The following IKBKB variants were observed in gnomAD, a reference collection of about 807,000 sequenced individuals.
IKBKB encodes inhibitor of nuclear factor kappa-B kinase subunit beta.
In IKBKB, 42 loss-of-function variants were observed where a neutral mutation model predicts 113.6. The ratio of observed to expected loss-of-function variants is 0.37; its 90% CI spans 0.29 to 0.48. IKBKB has a LOEUF of 0.48. IKBKB is among the 20% of genes least tolerant of loss of function. IKBKB has a pLI of 0.99. For missense variants in IKBKB, 673 were observed against 939.7 expected (o/e 0.72, Z 3.71); for synonymous variants, 296 against 361.3 (o/e 0.82, Z 2.05).
intron 7 of IKBKB, among the ~76,000 whole-genome samples, chr8:42,308,296 C>CTTTTT (rs1816952655): frequency 8.1e-6 from 1 of 123,430 alleles, no homozygotes; most frequent in Non-Finnish European, 1.7e-5. Context: ...TTTTTTCTTT[C>CTTTTT]TTTCTTTCTT....
At chr8:42,271,589 C>A (rs553767571) in intron 1 of IKBKB, 120 bp downstream of exon 1, 89 of 555,014 alleles carry the variant, frequency 1.6e-4, no homozygotes, top group Non-Finnish European at 2.7e-4. Context: ...GACTGGGGAG[C>A]GTTTCACTTG....
At chr8:42,328,917 GACAGTAACGCTC>G (rs1821300516) in intron 20 of IKBKB, among the ~76,000 whole-genome samples, 195 bp from the exon 21 acceptor site, 2 of 152,162 alleles carry the variant, frequency 1.3e-5, no homozygotes, top group South Asian at 4.1e-4. Flanking sequence ...TTGCATTTTG[GACAGTAACGCTC>G]ATATGTGGAA....
At chr8:42,279,010 G>C (rs11990404) in intron 2 of IKBKB, among the ~76,000 whole-genome samples, 14,043 of 151,822 alleles carry the variant, frequency 0.092, 1,232 homozygotes, top group African/African-American at 0.23. Flanking sequence ...AAAAAAAAGA[G>C]AGAGAGAGAT....
chr8:42,310,249 T>G (rs1817456175), intron 8 of IKBKB, among the ~76,000 whole-genome samples: 1 of 152,226 alleles, frequency 6.6e-6, no homozygotes, highest in Non-Finnish European at 1.5e-5. Flanking sequence ...TTTTATTTTT[T>G]TTGGAACCGT....
intron 8 of IKBKB, chr8:42,309,737 C>T (rs969195726): frequency 6.0e-5 from 8 of 133,608 alleles, no homozygotes; most frequent in Admixed American, 1.5e-4. Flanking sequence ...TGTCTCAAAA[C>T]AAAAAAAGTT....
In IKBKB at chr8:42,319,402, G is replaced by A. The variant is rs1405938828; in HGVS notation, c.1497G>A (p.Glu499=). 1.2e-6 allele frequency: 2 copies of A among 1,614,090 alleles called. No individual in the cohort carries two copies. Reference sequence around the variant, plus strand: ...AGATTGACCTGGAGAAGTACAGCGAGCAAACCGAGTTTGGGATCAGTGAGT... The same window carrying A: ...AGATTGACCTGGAGAAGTACAGCGAACAAACCGAGTTTGGGATCAGTGAGT... ...SIQIDLEKYS[E]QTEFGITSDK... is the part of the protein sequence containing the mutation. Residue 499 remains glutamate, a synonymous_variant, in exon 14 of 22, where the codon GAG becomes GAA. Coordinates refer to ENST00000520810, the MANE Select transcript of IKBKB (RefSeq NM_001556.3).
At chr8:42,300,175 G>A (rs1814881508) in intron 5 of IKBKB, among the ~76,000 whole-genome samples, 1 of 152,182 alleles carries the variant, frequency 6.6e-6, no homozygotes, top group Admixed American at 6.5e-5. Flanking sequence ...GCCAGACTCA[G>A]TCTCTCTCCC....
At chr8:42,288,886 A>G (rs1811986749) in intron 3 of IKBKB, among the ~76,000 whole-genome samples, 158 bp downstream of exon 3, 1 of 152,182 alleles carries the variant, frequency 6.6e-6, no homozygotes. Context: ...GACTGAGACC[A>G]TCCTGGCTAA....
rs749770869 is a variant in IKBKB, at chr8:42,316,679, G to A, written c.931-31G>A. 7.6e-6 allele frequency: 12 copies of A among 1,587,550 alleles called. No individual in the cohort carries two copies. Among genetic ancestry groups the A allele is most frequent in the Non-Finnish European group, 1.0e-5 (12 of 1,163,438 alleles). ...GATGGGCATTTCCTTGAAGAAATCG[G>A]TTTTCCAGTAACATCTGGGTTGTGT... On this transcript the variant is annotated intron_variant, in intron 10 of 21. Coordinates refer to ENST00000520810, the MANE Select transcript of IKBKB (RefSeq NM_001556.3). This position sits in a 1 kb window ranked among gnomAD's most constrained non-coding sequence, Gnocchi z 4.5.
In IKBKB at chr8:42,316,720, T is replaced by C. The variant is rs200044839; in HGVS notation, c.941T>C (p.Ile314Thr). 1.3e-4 allele frequency: 216 copies of C among 1,611,574 alleles called. No homozygotes were observed. Among genetic ancestry groups the C allele is most frequent in the Non-Finnish European group, 1.8e-4 (213 of 1,178,118 alleles). ...DDILNLKLVHILNMVTGTIHT... is the reference protein window; with the variant it reads ...DDILNLKLVHTLNMVTGTIHT... Reference sequence around the variant, plus strand: ...TGGGTTGTGTTGCAGCTGGTTCATATCTTGAACATGGTCACGGGCACCATC... The same window carrying C: ...TGGGTTGTGTTGCAGCTGGTTCATACCTTGAACATGGTCACGGGCACCATC... Residue 314 changes from isoleucine (I) to threonine (T), a missense_variant, in exon 11 of 22, where the codon ATC becomes ACC. This residue lies in a region of IKBKB where 506 missense variants were observed against 638.7 expected (regional missense o/e 0.79). Coordinates refer to ENST00000520810, the MANE Select transcript of IKBKB (RefSeq NM_001556.3). This position sits in a 1 kb window ranked among gnomAD's most constrained non-coding sequence, Gnocchi z 4.5.
At chr8:42,302,746 A>G (rs764309852) in intron 5 of IKBKB, among the ~76,000 whole-genome samples, 8 of 147,394 alleles carry the variant, frequency 5.4e-5, no homozygotes, top group Non-Finnish European at 8.8e-5. Context: ...CATTAGGAAT[A>G]TGCCAGTATT....
At chr8:42,327,330 C>CTTTTTT (rs397767670) in intron 20 of IKBKB, among the ~76,000 whole-genome samples, 4 of 105,430 alleles carry the variant, frequency 3.8e-5, no homozygotes, top group African/African-American at 7.0e-5. Context: ...CTCTCTCTCT[C>CTTTTTT]TTTTTTTTTT....
In IKBKB at chr8:42,329,042, T is replaced by A. The variant is rs1254142310; in HGVS notation, c.2115-82T>A. 7 of 1,086,798 alleles carry A rather than the reference T, an allele frequency of 6.4e-6. No homozygotes were observed. In the South Asian group the frequency reaches 7.2e-5, roughly 11 times the overall value. 67.3% of individuals were successfully genotyped at this position (1,086,798 alleles called of 1,614,324 possible). ...TTCATTTAAAAAGTATTATCAAAAC[T>A]CTCTAGCATATTTTAAAATAGCAGT... On this transcript the variant is annotated intron_variant, in intron 20 of 21. Coordinates refer to ENST00000520810, the MANE Select transcript of IKBKB (RefSeq NM_001556.3).
At chr8:42,306,730 C>T (rs1585704633) in intron 7 of IKBKB, among the ~76,000 whole-genome samples, 1 of 152,190 alleles carries the variant, frequency 6.6e-6, no homozygotes, top group African/African-American at 2.4e-5. Context: ...TTAAACAGAT[C>T]CATGCTGGTC....
At chr8:42,326,167 T>C in intron 20 of IKBKB, 70 bp downstream of exon 20, 2 of 1,571,952 alleles carry the variant, frequency 1.3e-6, no homozygotes, top group Non-Finnish European at 1.7e-6. Flanking sequence ...TGGAGGCGTT[T>C]GTCACTGGTA....
At position 42,310,926 on chromosome 8, in the gene IKBKB, C is replaced by T. The variant is rs910813735; in HGVS notation, c.692+1901C>T. On this transcript the variant is annotated intron_variant, in intron 8 of 21. Coordinates refer to ENST00000520810, the MANE Select transcript of IKBKB (RefSeq NM_001556.3). ...GCTGTGGTTCATTTAACTTATCCCC[C>T]GTGGTTGGAAGGACGTTGATAATTT... is the stretch of plus-strand genomic sequence containing the variant. Among the ~76,000 whole-genome samples the T allele has an allele frequency of 4.6e-5, 7 of 152,156 alleles. No homozygotes were observed. The East Asian group carries it at 5.8e-4, about 13-fold the overall frequency.
chr8:42,330,837 A>G, intron 21 of IKBKB, 77 bp from the exon 22 acceptor site: 1 of 1,610,784 alleles, frequency 6.2e-7, no homozygotes, highest in Non-Finnish European at 8.5e-7. Flanking sequence ...AATTGTCCTG[A>G]TTTCCTCCTG....
At chr8:42,276,554 A>G (rs1378224401) in intron 2 of IKBKB, among the ~76,000 whole-genome samples, 1 of 152,064 alleles carries the variant, frequency 6.6e-6, no homozygotes, top group Non-Finnish European at 1.5e-5. Flanking sequence ...CATAGGTTCC[A>G]TAGGTTTATT....
Position 42,322,439 on chromosome 8 carries a change from T to C in IKBKB, c.1931T>C (p.Val644Ala). 6.2e-7 allele frequency: 1 copy of C among 1,614,028 alleles called. No individual in the cohort carries two copies. The highest frequency in any genetic ancestry group is 1.1e-5 in the South Asian group (1 of 91,066). The change falls in exon 19 of 22, where the codon GTC (valine) becomes GCC (alanine). Residue 644 changes from valine (V) to alanine (A), a missense_variant. By Grantham distance (64) the Val-to-Ala change is moderately conservative (BLOSUM62 0). Transcript: ENST00000520810. ...ATGAATGAGGATGAGAAGACTGTTGTCCGGCTGCAGGAGAAGCGGCAGAAG... is the reference window on the plus strand; with the variant it reads ...ATGAATGAGGATGAGAAGACTGTTGCCCGGCTGCAGGAGAAGCGGCAGAAG... ...SLMNEDEKTV[V>A]RLQEKRQKEL...
Sources: gnomAD v4.1 joint callset for allele counts (sites outside exome capture counted in the v4.1 genomes callset) on GRCh38, gnomAD v4.1.1 for gene constraint, gnomAD v4.1.1 regional missense constraint, Gnocchi (gnomAD v3.1) non-coding constraint, MANE v1.5 for transcripts, NCBI Gene and HGNC (gene_info 2026-07-23, HGNC 2026-07-21) for gene names.